The following DOK6 variants were observed in gnomAD, a reference collection of about 807,000 sequenced individuals.
The protein encoded by DOK6 is downstream of tyrosine kinase 6.
Under a neutral mutation model 44.0 loss-of-function variants are expected in DOK6, and 22 were observed. The observed-to-expected ratio is 0.50, with a 90% CI of 0.36 to 0.71. DOK6 has a LOEUF of 0.71. Ranked by LOEUF, DOK6 falls within the 30% of genes least tolerant of loss-of-function variation. The pLI is 0.00. For synonymous variants in DOK6, 166 were observed against 145.5 expected, an observed-to-expected ratio of 1.14 and a Z score of -1.01; for missense variants, 340 against 416.4, an observed-to-expected ratio of 0.82 and a Z score of 1.60.
At chr18:69,677,197 A>C (rs1985941441) in intron 3 of DOK6, among the ~76,000 whole-genome samples, 1 of 152,110 alleles carries the variant, frequency 6.6e-6, no homozygotes, top group Non-Finnish European at 1.5e-5. Context: ...CACTTTCAGG[A>C]AAACATTCAT....
At chr18:69,415,354 T>G (rs904732667) in intron 1 of DOK6, among the ~76,000 whole-genome samples, 1 of 144,100 alleles carries the variant, frequency 6.9e-6, no homozygotes, top group African/African-American at 2.4e-5. Flanking sequence ...CATTTTTTTG[T>G]AAGTCTTAAT....
chr18:69,560,368 A>G (rs1463529046), intron 1 of DOK6, among the ~76,000 whole-genome samples: 1 of 151,994 alleles, frequency 6.6e-6, no homozygotes, highest in African/African-American at 2.4e-5. Flanking sequence ...TATGGTGAAG[A>G]GAGTAATTTT....
chr18:69,568,228 T>G lies in DOK6; in HGVS notation c.174+3634T>G, dbSNP rs533222443. Among the ~76,000 whole-genome samples, 58 of 152,322 alleles carry G rather than the reference T, an allele frequency of 3.8e-4. 1 individual carries two copies. In the South Asian group the frequency reaches 0.012, roughly 32 times the overall value. ...AGCGTCAGCAGGGCAGTTAGACCTT[T>G]TACAAACAATAGTGGCTCCAAGCCA... On this transcript the variant is annotated intron_variant, in intron 2 of 7. Transcript: ENST00000382713.
chr18:69,821,020 A>G (rs2145123885), intron 7 of DOK6, among the ~76,000 whole-genome samples: 1 of 152,262 alleles, frequency 6.6e-6, no homozygotes, highest in South Asian at 2.1e-4. Context: ...TATATAACAA[A>G]CCTGCACATG....
At chr18:69,410,920 C>T (rs1451333930) in intron 1 of DOK6, among the ~76,000 whole-genome samples, 1 of 152,108 alleles carries the variant, frequency 6.6e-6, no homozygotes, top group Non-Finnish European at 1.5e-5. Context: ...GGGCTCATGG[C>T]TGTGAAAGAC....
At chr18:69,412,072 T>A (rs1046610433) in intron 1 of DOK6, among the ~76,000 whole-genome samples, 1 of 152,322 alleles carries the variant, frequency 6.6e-6, no homozygotes, top group Admixed American at 6.5e-5. Flanking sequence ...GTATCAGTTT[T>A]ATCTTTGGTA....
intron 7 of DOK6, among the ~76,000 whole-genome samples, chr18:69,806,851 A>G (rs1981064875): frequency 6.6e-6 from 1 of 151,998 alleles, no homozygotes; most frequent in Admixed American, 6.6e-5. Flanking sequence ...ACACGATCCA[A>G]TCAAGTACAT....
chr18:69,758,499 G>A (rs1478644327), intron 7 of DOK6, among the ~76,000 whole-genome samples: 3 of 151,818 alleles, frequency 2.0e-5, no homozygotes, highest in Non-Finnish European at 4.4e-5. Flanking sequence ...TTTACTAACA[G>A]CAGCAAACAA....
chr18:69,801,782 C>G (rs1008055357), intron 7 of DOK6, among the ~76,000 whole-genome samples: 2 of 152,158 alleles, frequency 1.3e-5, no homozygotes, highest in Non-Finnish European at 2.9e-5. Context: ...ATCTTATGTG[C>G]TTTTCCCTTG....
At chr18:69,619,422 T>A (rs1599225525) in intron 3 of DOK6, among the ~76,000 whole-genome samples, 1 of 152,242 alleles carries the variant, frequency 6.6e-6, no homozygotes, top group South Asian at 2.1e-4. Flanking sequence ...ACCACCTTCA[T>A]GATCGTGGGT....
At chr18:69,681,748 G>A (rs562358408) in intron 4 of DOK6, among the ~76,000 whole-genome samples, 1 of 152,258 alleles carries the variant, frequency 6.6e-6, no homozygotes, top group African/African-American at 2.4e-5. Flanking sequence ...ATTTATAAAG[G>A]ATTCACAACA....
At position 69,471,590 on chromosome 18, in the gene DOK6, T is replaced by G. The variant is rs946590660; in HGVS notation, c.66+70280T>G. On this transcript the variant is annotated intron_variant, in intron 1 of 7. Transcript: ENST00000382713. ...TGATTTATGAGGGTTTTTTTGTTTT[T>G]TTTTTTTTGTAGAGAACACTGGCTG... The G allele has an allele frequency of 2.5e-4, 38 of 151,680 alleles. 2 individuals are homozygous for G. The highest frequency in any genetic ancestry group is 8.7e-4 in the African/African-American group (36 of 41,358). 9.4% of individuals were successfully genotyped at this position (151,680 alleles called of 1,614,324 possible).
At chr18:69,737,518 G>C (rs1171711756) in intron 5 of DOK6, among the ~76,000 whole-genome samples, 1 of 152,160 alleles carries the variant, frequency 6.6e-6, no homozygotes. Context: ...TGGGGACACA[G>C]AGCCAAACCC....
chr18:69,600,278 T>C (rs1983842294), intron 3 of DOK6, among the ~76,000 whole-genome samples: 1 of 152,210 alleles, frequency 6.6e-6, no homozygotes, highest in Non-Finnish European at 1.5e-5. Context: ...ATGGATGTCA[T>C]TAATGTCAGG....
At chr18:69,649,262 A>G (rs948246005) in intron 3 of DOK6, among the ~76,000 whole-genome samples, 1 of 152,228 alleles carries the variant, frequency 6.6e-6, no homozygotes, top group African/African-American at 2.4e-5. Flanking sequence ...TGGTTACAAT[A>G]AAGCTTTTCT....
chr18:69,420,813 G>A (rs192598534), intron 1 of DOK6, among the ~76,000 whole-genome samples: 1 of 152,136 alleles, frequency 6.6e-6, no homozygotes, highest in Non-Finnish European at 1.5e-5. Context: ...TGAGGATGCC[G>A]ATTGGTGTGC....
chr18:69,694,887 T>A (rs575747894), intron 4 of DOK6, among the ~76,000 whole-genome samples: 1 of 152,212 alleles, frequency 6.6e-6, no homozygotes, highest in Non-Finnish European at 1.5e-5. Flanking sequence ...AATACACATA[T>A]CTTGATAAAT....
At chr18:69,533,064 G>T (rs1039630742) in intron 1 of DOK6, among the ~76,000 whole-genome samples, 1 of 151,990 alleles carries the variant, frequency 6.6e-6, no homozygotes, top group Non-Finnish European at 1.5e-5. Flanking sequence ...GAAATAAGAA[G>T]GAATATCGGT....
At chr18:69,727,506 T>G (rs1355545076) in intron 5 of DOK6, among the ~76,000 whole-genome samples, 1 of 152,090 alleles carries the variant, frequency 6.6e-6, no homozygotes, top group Non-Finnish European at 1.5e-5. Context: ...TACCCCCAAG[T>G]GATTGTAGAA....
Sources: gnomAD v4.1 joint callset for allele counts (sites outside exome capture counted in the v4.1 genomes callset) on GRCh38, gnomAD v4.1.1 for gene constraint, MANE v1.5 for transcripts, NCBI Gene and HGNC (gene_info 2026-07-23, HGNC 2026-07-21) for gene names.